Variants in CEP250 observed in about 807,000 individuals in gnomAD.
CEP250 encodes centrosome-associated protein CEP250.
In CEP250, 242 loss-of-function variants were observed where a neutral mutation model predicts 315.7. The observed-to-expected ratio is 0.77, with a 90% CI of 0.69 to 0.85. CEP250 has a LOEUF of 0.85. Ranked by LOEUF, CEP250 falls within the 40% of genes least tolerant of loss-of-function variation. CEP250 has a pLI of 0.00. For missense variants in CEP250, 2,515 were observed against 2,886.4 expected (o/e 0.87, Z 2.95); for synonymous variants, 1,088 against 1,175.0 (o/e 0.93, Z 1.51).
At chr20:35,506,132 A>C (rs2064179928) in intron 30 of CEP250, among the ~76,000 whole-genome samples, 1 of 152,144 alleles carries the variant, frequency 6.6e-6, no homozygotes, top group Non-Finnish European at 1.5e-5. Flanking sequence ...GAAGTCAAAG[A>C]TGACACTCAG....
At chr20:35,458,201 G>A (rs2062674073) in intron 1 of CEP250, 103 bp from the exon 2 acceptor site, 1 of 152,176 alleles carries the variant, frequency 6.6e-6, no homozygotes, top group South Asian at 2.1e-4. Flanking sequence ...TGGTAGTGTT[G>A]CTTCTCTTTT....
intron 7 of CEP250, 29 bp from the exon 8 acceptor site, chr20:35,466,936 TG>T: frequency 7.0e-7 from 1 of 1,437,132 alleles, no homozygotes; most frequent in South Asian, 1.1e-5. Context: ...CCTCTGCCTT[TG>T]GGTATGACCT....
In CEP250 at chr20:35,508,082, G is replaced by T. The variant is rs145765975; in HGVS notation, c.6798G>T (p.Gln2266His). 1 of 1,614,080 alleles carries T rather than the reference G, an allele frequency of 6.2e-7. No individual in the cohort carries two copies. The highest frequency in any genetic ancestry group is 1.3e-5 in the African/African-American group (1 of 74,928). Residue 2266 changes from glutamine (Q) to histidine (H), a missense_variant, in exon 32 of 35, where the codon CAG (glutamine) becomes CAT (histidine). By Grantham distance (24) the Gln-to-His change is conservative (BLOSUM62 0). Coordinates refer to ENST00000397527, the MANE Select transcript of CEP250 (RefSeq NM_007186.6). ...CTAGTCCTGATGGAATGGAGAAGCAGTCATGGAGACAAAGGCTTGAACACC... is the reference window on the plus strand; with the variant it reads ...CTAGTCCTGATGGAATGGAGAAGCATTCATGGAGACAAAGGCTTGAACACC... ...AEPSPDGMEK[Q>H]SWRQRLEHLQ...
In CEP250 at chr20:35,504,916, A is replaced by C; in HGVS notation, c.6547A>C (p.Thr2183Pro). Residue 2183 changes from threonine to proline, a missense_variant, in exon 30 of 35, where the codon ACC becomes CCC. Thr to Pro is a conservative substitution (Grantham distance 38, BLOSUM62 -1). Transcript: ENST00000397527. The part of the protein sequence containing the change: ...AQDLALSLAQ[T>P]KASVSSLQEV... ...GGACTTGGCACTCTCCCTAGCGCAG[A>C]CCAAGGCCAGTGTCAGCAGTCTGCA... The C allele has an allele frequency of 6.2e-7, 1 of 1,614,174 alleles. No individual in the cohort carries two copies. Among genetic ancestry groups the C allele is most frequent in the Non-Finnish European group, 8.5e-7 (1 of 1,180,034 alleles).
intron 30 of CEP250, among the ~76,000 whole-genome samples, chr20:35,505,868 A>G (rs907922076): frequency 6.6e-6 from 1 of 152,072 alleles, no homozygotes; most frequent in Admixed American, 6.6e-5. Flanking sequence ...CATGCTGAGG[A>G]CCTGGGTGGT....
At chr20:35,501,122 G>A (rs1212046577) in intron 28 of CEP250, among the ~76,000 whole-genome samples, 6 of 152,174 alleles carry the variant, frequency 3.9e-5, no homozygotes, top group Non-Finnish European at 7.4e-5. Context: ...AAAGTGTCAT[G>A]ACTCCTTACA....
In CEP250 at chr20:35,511,632, A is replaced by G. The variant is rs1172207353; in HGVS notation, c.*6A>G. 1.2e-6 allele frequency: 2 copies of G among 1,606,190 alleles called. No individual in the cohort carries two copies. Among genetic ancestry groups the G allele is most frequent in the African/African-American group, 2.7e-5 (2 of 74,804 alleles). The stretch of plus-strand genomic sequence containing the variant: ...CCCAAGCCGCCTCCAGGTAGCAGCC[A>G]CAGCCAGGAGCACACAGACAGAAGA... On this transcript the variant is annotated 3_prime_UTR_variant, in exon 35 of 35. Coordinates refer to ENST00000397527, the MANE Select transcript of CEP250 (RefSeq NM_007186.6).
intron 24 of CEP250, among the ~76,000 whole-genome samples, chr20:35,495,300 C>T (rs896968699): frequency 1.1e-4 from 16 of 152,190 alleles, no homozygotes; most frequent in Admixed American, 7.2e-4. Context: ...GCAAGGAGTT[C>T]GTAGTTTGAG....
intron 6 of CEP250, 81 bp from the exon 7 acceptor site, chr20:35,465,958 G>A (rs1313708906): frequency 6.4e-7 from 1 of 1,564,782 alleles, no homozygotes; most frequent in East Asian, 2.2e-5. Context: ...AAATTTCAGT[G>A]GTTGCCATCT....
At position 35,467,545 on chromosome 20, in the gene CEP250, C is replaced by T. The variant is rs777489548; in HGVS notation, c.841C>T (p.Leu281Phe). Reference protein sequence around the residue: ...KSQGDLEKAELQDRVTELSAL... With the variant: ...KSQGDLEKAEFQDRVTELSAL... ...TCAAGGGGATCTGGAGAAGGCTGAA[C>T]TTCAGGACCGGTGAGATGGCCTGGG... Residue 281 changes from leucine (L) to phenylalanine (F), a missense_variant, in exon 9 of 35, where the codon CTT becomes TTT. Coordinates refer to ENST00000397527, the MANE Select transcript of CEP250 (RefSeq NM_007186.6). The T allele has an allele frequency of 2.5e-6, 4 of 1,613,546 alleles. No homozygotes were observed. In the Admixed American group the frequency reaches 6.7e-5, roughly 27 times the overall value.
intron 25 of CEP250, among the ~76,000 whole-genome samples, chr20:35,497,227 C>T (rs1172112563): frequency 6.6e-6 from 1 of 152,100 alleles, no homozygotes; most frequent in East Asian, 1.9e-4. Context: ...TTTGGCTGTT[C>T]AATGGTCTTG....
At chr20:35,511,061 A>G (rs1224113290) in intron 34 of CEP250, among the ~76,000 whole-genome samples, 1 of 152,194 alleles carries the variant, frequency 6.6e-6, no homozygotes, top group African/African-American at 2.4e-5. Flanking sequence ...CAAAATGTAC[A>G]TTTAAAACTG....
intron 20 of CEP250, among the ~76,000 whole-genome samples, chr20:35,488,223 T>C (rs1008996364): frequency 6.6e-6 from 1 of 152,198 alleles, no homozygotes; most frequent in African/African-American, 2.4e-5. Context: ...AGCAAATAGA[T>C]CAGTTTTTTT....
At chr20:35,510,472 C>G (rs981538804) in intron 34 of CEP250, among the ~76,000 whole-genome samples, 8 of 152,342 alleles carry the variant, frequency 5.3e-5, no homozygotes, top group Non-Finnish European at 1.0e-4. Flanking sequence ...GGCCACACAG[C>G]TCAGCTCAAG....
Position 35,467,088 on chromosome 20 carries a change from A to C in CEP250, c.599+16A>C. ...CTACTGACAGGTCAGTGTGGGGAGA[A>C]GAAGGGAGGAGGTTTGCCCCTACCA... On this transcript the variant is annotated intron_variant, in intron 8 of 34. Transcript: ENST00000397527. 6.6e-7 allele frequency: 1 copy of C among 1,526,528 alleles called. No homozygotes were observed. The allele number at this position is 1,526,528 out of a possible 1,614,324, so 94.6% of individuals were successfully genotyped here.
chr20:35,462,582 A>T, intron 4 of CEP250, 29 bp downstream of exon 4: 1 of 1,554,004 alleles, frequency 6.4e-7, no homozygotes, highest in Non-Finnish European at 8.7e-7. Flanking sequence ...TGGGGAGGGG[A>T]AAGAGAACAA....
rs1483997180 is a variant in CEP250 at position 35,518,066 on chromosome 20, TTAAA to T, written c.*6445_*6448del. On this transcript the variant is annotated 3_prime_UTR_variant, in exon 35 of 35. Transcript: ENST00000397527. Reference sequence around the variant, plus strand: ...GTCTCAAAAAAAAAAAAAAAGGAAATTAAATAAAAAGAAGATAGCAGTTTCCCAC... The same window carrying T: ...GTCTCAAAAAAAAAAAAAAAGGAAATTAAAAAGAAGATAGCAGTTTCCCAC... The T allele has an allele frequency of 3.4e-5, 5 of 148,768 alleles. No individual in the cohort carries two copies. The highest frequency in any genetic ancestry group is 1.2e-4 in the African/African-American group (5 of 40,478). 9.2% of individuals were successfully genotyped at this position (148,768 alleles called of 1,614,324 possible).
Position 35,490,660 on chromosome 20 carries a change from G to C in CEP250, c.2610G>C (p.Gln870His), listed in dbSNP as rs1438480446. The C allele has an allele frequency of 3.1e-6, 5 of 1,613,672 alleles. No homozygotes were observed. The highest frequency in any genetic ancestry group is 4.2e-6 in the Non-Finnish European group (5 of 1,179,984). Reference protein sequence around the residue: ...EKWEKERSWHQQELAKALESL... With the variant: ...EKWEKERSWHHQELAKALESL... ...AGGAGAAGGAGCGCTCCTGGCACCA[G>C]CAGGAGCTGGCAAAGGCTCTGGAGA... is the stretch of plus-strand genomic sequence containing the variant. The change falls in exon 21 of 35, where the codon CAG (glutamine) becomes CAC (histidine). Residue 870 changes from glutamine to histidine, a missense_variant. Physicochemically the swap from Gln to His is conservative, Grantham distance 24 (BLOSUM62 0). Transcript: ENST00000397527.
chr20:35,503,804 T>C lies in CEP250; in HGVS notation c.5435T>C (p.Leu1812Pro). Residue 1812 changes from leucine to proline, a missense_variant, in exon 30 of 35, where the codon CTA becomes CCA. Transcript: ENST00000397527. The surrounding 1 kb of genome is among the most constrained non-coding windows in gnomAD (Gnocchi z 4.2). ...CAACTGGATGAGGCCCAGAGAGCCC[T>C]AGCCCAGAGGGACCAGGAACTGGAG... Reference protein sequence around the residue: ...QSQLDEAQRALAQRDQELEAL... With the variant: ...QSQLDEAQRAPAQRDQELEAL... The C allele has an allele frequency of 6.2e-7, 1 of 1,613,886 alleles. No homozygotes were observed. Among genetic ancestry groups the C allele is most frequent in the African/African-American group, 1.3e-5 (1 of 75,014 alleles).
Sources: gnomAD v4.1 joint callset for allele counts (sites outside exome capture counted in the v4.1 genomes callset) on GRCh38, gnomAD v4.1.1 for gene constraint, Gnocchi (gnomAD v3.1) non-coding constraint, MANE v1.5 for transcripts, NCBI Gene and HGNC (gene_info 2026-07-23, HGNC 2026-07-21) for gene names.